S100PBP: variants seen among roughly 807,000 people sequenced by gnomAD.
S100PBP encodes S100P binding protein, also known as S100P-binding protein.
Under a neutral mutation model 39.9 loss-of-function variants are expected in S100PBP, and 15 were observed. That is an observed-to-expected ratio of 0.38 (90% CI 0.25 to 0.58). The LOEUF (loss-of-function observed/expected upper bound fraction) is 0.58. Ranked by LOEUF, S100PBP falls within the 20% of genes least tolerant of loss-of-function variation. The pLI is 0.70. For synonymous variants in S100PBP, 178 were observed against 180.3 expected, an observed-to-expected ratio of 0.99 and a Z score of 0.10; for missense variants, 504 against 487.3, an observed-to-expected ratio of 1.03 and a Z score of -0.32.
At chr1:32,844,921 C>T (rs1423485734) in intron 5 of S100PBP, among the ~76,000 whole-genome samples, 8 of 151,650 alleles carry the variant, frequency 5.3e-5, no homozygotes, top group Middle Eastern at 3.2e-3. Flanking sequence ...CTGTGCCTCC[C>T]GGGTTCACGC....
chr1:32,853,469 T>TAA (rs559533644), intron 6 of S100PBP, among the ~76,000 whole-genome samples: 1 of 88,160 alleles, frequency 1.1e-5, no homozygotes, highest in African/African-American at 4.7e-5. Flanking sequence ...AGACTCCGTC[T>TAA]AAAAAAAAAA....
intron 5 of S100PBP, among the ~76,000 whole-genome samples, chr1:32,850,951 G>A (rs1178870536): frequency 1.3e-5 from 2 of 152,186 alleles, no homozygotes; most frequent in Non-Finnish European, 2.9e-5. Context: ...CATCATAATA[G>A]CTACCACTCA....
intron 5 of S100PBP, among the ~76,000 whole-genome samples, chr1:32,842,217 A>G (rs1569911920): frequency 1.5e-5 from 1 of 66,474 alleles, no homozygotes; most frequent in Non-Finnish European, 2.7e-5. Context: ...ATATATATAT[A>G]TATGTATATA....
At chr1:32,842,629 C>G (rs775553370) in intron 5 of S100PBP, among the ~76,000 whole-genome samples, 2 of 152,042 alleles carry the variant, frequency 1.3e-5, no homozygotes, top group Non-Finnish European at 2.9e-5. Context: ...GAGTCTCACT[C>G]TGTTGCCTAG....
intron 5 of S100PBP, among the ~76,000 whole-genome samples, chr1:32,849,241 C>G (rs1311898204): frequency 2.6e-5 from 4 of 151,738 alleles, no homozygotes; most frequent in Non-Finnish European, 5.9e-5. Flanking sequence ...ACCTCATGGG[C>G]TCAGGTGATC....
At chr1:32,825,647 A>G (rs1420845278) in intron 2 of S100PBP, among the ~76,000 whole-genome samples, 2 of 152,210 alleles carry the variant, frequency 1.3e-5, no homozygotes, top group African/African-American at 4.8e-5. Flanking sequence ...CCATAGCACA[A>G]ACATACCATG....
Position 32,839,178 on chromosome 1 carries a change from G to A in S100PBP, c.1024+9111G>A, listed in dbSNP as rs1299651357. 3.3e-5 allele frequency among the ~76,000 whole-genome samples: 5 copies of A among 152,198 alleles called. No individual in the cohort carries two copies. In the East Asian group the frequency reaches 9.7e-4, roughly 29 times the overall value. On this transcript the variant is annotated intron_variant, in intron 5 of 6. Transcript: ENST00000373475. ...CCTGACAACCACCATTCCACTTTAT[G>A]TGTTTATGAATTTGACTACTCTAGG...
intron 5 of S100PBP, among the ~76,000 whole-genome samples, chr1:32,847,962 G>T (rs77394815): frequency 0.014 from 2,129 of 152,158 alleles, 60 homozygotes; most frequent in African/African-American, 0.049. Flanking sequence ...TTTTCACCAG[G>T]TCTCGTAGTG....
chr1:32,853,130 A>G lies in S100PBP; in HGVS notation c.1076A>G (p.His359Arg). The change falls in exon 6 of 7, where the codon CAC becomes CGC. Residue 359 changes from histidine (H) to arginine (R), a missense_variant. Coordinates refer to ENST00000373475, the MANE Select transcript of S100PBP (RefSeq NM_022753.4). ...ATGGATCAAGTTCATCATATGCAGCACTCAAAATGGCAGCATCCTTCGGAC... is the reference window on the plus strand; with the variant it reads ...ATGGATCAAGTTCATCATATGCAGCGCTCAAAATGGCAGCATCCTTCGGAC... ...ALMDQVHHMQ[H>R]SKWQHPSDLT... The G allele has an allele frequency of 6.2e-7, 1 of 1,612,832 alleles. No individual in the cohort carries two copies. Among genetic ancestry groups the G allele is most frequent in the Non-Finnish European group, 8.5e-7 (1 of 1,179,672 alleles).
intron 5 of S100PBP, among the ~76,000 whole-genome samples, chr1:32,845,798 C>T (rs1640343060): frequency 6.6e-6 from 1 of 151,794 alleles, no homozygotes; most frequent in African/African-American, 2.4e-5. Flanking sequence ...CTACCTCAGC[C>T]TCCCAAGTAG....
At chr1:32,823,302 A>G (rs1639170370) in intron 1 of S100PBP, among the ~76,000 whole-genome samples, 1 of 152,244 alleles carries the variant, frequency 6.6e-6, no homozygotes, top group Non-Finnish European at 1.5e-5. Flanking sequence ...CTTAAGTCAA[A>G]GAATGTTTTC....
chr1:32,836,134 CTT>C (rs781749587), intron 5 of S100PBP: 26 of 137,314 alleles, frequency 1.9e-4, no homozygotes, highest in Non-Finnish European at 2.4e-4. Flanking sequence ...TTTTTTTGTG[CTT>C]TTTTTTTTTT....
chr1:32,840,046 G>A (rs369768101), intron 5 of S100PBP, among the ~76,000 whole-genome samples: 1 of 152,040 alleles, frequency 6.6e-6, no homozygotes, highest in African/African-American at 2.4e-5. Flanking sequence ...GTGCAGCGGT[G>A]CAATCTCAGC....
intron 5 of S100PBP, among the ~76,000 whole-genome samples, chr1:32,842,236 T>TATACATAC (rs372174677): frequency 1.2e-5 from 1 of 80,854 alleles, no homozygotes; most frequent in East Asian, 3.9e-4. Context: ...TATATATATA[T>TATACATAC]ACACACACAC....
intron 3 of S100PBP, among the ~76,000 whole-genome samples, chr1:32,827,567 C>T (rs1639386682): frequency 6.6e-6 from 1 of 152,080 alleles, no homozygotes; most frequent in African/African-American, 2.4e-5. Flanking sequence ...CACTGCAACT[C>T]CCGCCTCTCG....
At chr1:32,848,645 T>A (rs1640484126) in intron 5 of S100PBP, among the ~76,000 whole-genome samples, 1 of 152,198 alleles carries the variant, frequency 6.6e-6, no homozygotes, top group South Asian at 2.1e-4. Context: ...AAAAGTATTA[T>A]GTCCTATAAA....
At chr1:32,842,606 T>A (rs1461126117) in intron 5 of S100PBP, among the ~76,000 whole-genome samples, 1 of 152,126 alleles carries the variant, frequency 6.6e-6, no homozygotes, top group Non-Finnish European at 1.5e-5. Context: ...TTTTATTTTA[T>A]TTTTTTGAGA....
At chr1:32,831,639 C>A (rs1639604274) in intron 5 of S100PBP, among the ~76,000 whole-genome samples, 1 of 151,986 alleles carries the variant, frequency 6.6e-6, no homozygotes, top group African/African-American at 2.4e-5. Context: ...TCTTAGCCCT[C>A]TGCTTGTGAG....
intron 5 of S100PBP, among the ~76,000 whole-genome samples, chr1:32,840,677 G>C (rs1011694938): frequency 6.6e-6 from 1 of 151,994 alleles, no homozygotes; most frequent in Non-Finnish European, 1.5e-5. Flanking sequence ...TTTTCAATGG[G>C]AGTCATCCTA....
Sources: gnomAD v4.1 joint callset for allele counts (sites outside exome capture counted in the v4.1 genomes callset) on GRCh38, gnomAD v4.1.1 for gene constraint, MANE v1.5 for transcripts, NCBI Gene and HGNC (gene_info 2026-07-23, HGNC 2026-07-21) for gene names.